The following ITGBL1 variants were observed in gnomAD, a reference collection of about 807,000 sequenced individuals.
ITGBL1 encodes the protein integrin subunit beta like 1.
In ITGBL1, 51 loss-of-function variants were observed where a neutral mutation model predicts 68.5. The observed-to-expected ratio is 0.74, with a 90% CI of 0.59 to 0.94. ITGBL1 has a LOEUF of 0.94. ITGBL1 is among the 40% of genes least tolerant of loss of function. The pLI, the probability that ITGBL1 is intolerant of heterozygous loss-of-function variation, is 0.00. For missense variants in ITGBL1, 649 were observed against 647.4 expected (o/e 1.00, Z -0.03); for synonymous variants, 209 against 227.3 (o/e 0.92, Z 0.72).
At chr13:101,646,595 C>A (rs1204742515) in intron 7 of ITGBL1, among the ~76,000 whole-genome samples, 1 of 151,948 alleles carries the variant, frequency 6.6e-6, no homozygotes, top group Non-Finnish European at 1.5e-5. Context: ...ACCCCTTTCC[C>A]AAGTAGTTTT....
chr13:101,598,052 A>G, intron 6 of ITGBL1, 101 bp from the exon 7 acceptor site: 1 of 1,109,346 alleles, frequency 9.0e-7, no homozygotes, highest in East Asian at 2.5e-5. Flanking sequence ...ATGTTCATCA[A>G]GATCCTGACT....
intron 7 of ITGBL1, among the ~76,000 whole-genome samples, chr13:101,686,937 A>G (rs2033767939): frequency 6.6e-6 from 1 of 152,154 alleles, no homozygotes; most frequent in African/African-American, 2.4e-5. Flanking sequence ...TATATAGAAA[A>G]TTGGGCTTAA....
intron 7 of ITGBL1, among the ~76,000 whole-genome samples, chr13:101,659,111 G>A (rs986652263): frequency 1.4e-5 from 2 of 146,472 alleles, no homozygotes; most frequent in South Asian, 4.4e-4. Context: ...GAGTGCAGTG[G>A]GGCGATCTCA....
chr13:101,556,854 T>G (rs953499712), intron 2 of ITGBL1, among the ~76,000 whole-genome samples: 1 of 152,148 alleles, frequency 6.6e-6, no homozygotes, highest in Non-Finnish European at 1.5e-5. Flanking sequence ...GGACTTCGAG[T>G]CTCCAGAAAT....
At position 101,663,993 on chromosome 13, in the gene ITGBL1, T is replaced by G. The variant is rs556619755; in HGVS notation, c.1016-28592T>G. Among the ~76,000 whole-genome samples, 23 of 152,302 alleles carry G rather than the reference T, an allele frequency of 1.5e-4. No individual in the cohort carries two copies. The East Asian group carries it at 4.4e-3, about 29-fold the overall frequency. On this transcript the variant is annotated intron_variant, in intron 7 of 10. Transcript: ENST00000376180. Reference sequence around the variant, plus strand: ...TATTGTCATAATAATCTCAAAATGCTTTTGAGGAGGTCAGCAGATATAAAG... The same window carrying G: ...TATTGTCATAATAATCTCAAAATGCGTTTGAGGAGGTCAGCAGATATAAAG...
At chr13:101,558,879 A>C (rs1362097180) in intron 2 of ITGBL1, among the ~76,000 whole-genome samples, 1 of 149,872 alleles carries the variant, frequency 6.7e-6, no homozygotes, top group Non-Finnish European at 1.5e-5. Flanking sequence ...TGAATCCCAA[A>C]CTAGTGCTTG....
chr13:101,712,432 A>T (rs1488867401), intron 9 of ITGBL1: 1 of 152,228 alleles, frequency 6.6e-6, no homozygotes, highest in East Asian at 1.9e-4. Context: ...CATGAAGCTA[A>T]GCATTCCAGA....
chr13:101,620,299 A>G (rs2031533575), intron 7 of ITGBL1, among the ~76,000 whole-genome samples: 2 of 152,182 alleles, frequency 1.3e-5, no homozygotes, highest in African/African-American at 4.8e-5. Context: ...TAAGGTGAAT[A>G]CTAACTTAGG....
At position 101,486,392 on chromosome 13, in the gene ITGBL1, T is replaced by C. The variant is rs138567540; in HGVS notation, c.316+32292T>C. Among the ~76,000 whole-genome samples, 869 of 152,252 alleles carry C rather than the reference T, an allele frequency of 5.7e-3. 9 individuals carry two copies. Among genetic ancestry groups the C allele is most frequent in the African/African-American group, 0.02 (832 of 41,544 alleles). On this transcript the variant is annotated intron_variant, in intron 2 of 10. Transcript: ENST00000376180. ...AAAAGACTACCCATTGGGTACAGTG[T>C]ACACTGCTCAGGTGATGAGTGCACC...
intron 10 of ITGBL1, chr13:101,714,956 ACT>A: frequency 5.1e-6 from 1 of 196,788 alleles, no homozygotes; most frequent in East Asian, 1.4e-4. Flanking sequence ...CTTTTAGGGA[ACT>A]GGATGTGTGT....
intron 2 of ITGBL1, among the ~76,000 whole-genome samples, chr13:101,506,339 T>C (rs370951024): frequency 8.1e-6 from 1 of 122,900 alleles, no homozygotes; most frequent in Admixed American, 7.7e-5. Context: ...AAAACTAACA[T>C]GTGTCAAAGA....
chr13:101,500,198 GA>G (rs781724203), intron 2 of ITGBL1, among the ~76,000 whole-genome samples: 27 of 150,822 alleles, frequency 1.8e-4, no homozygotes, highest in East Asian at 3.9e-4. Context: ...CAACAAGCCA[GA>G]AAAAAAAAGT....
At chr13:101,528,794 A>G (rs1209382454) in intron 2 of ITGBL1, among the ~76,000 whole-genome samples, 2 of 151,994 alleles carry the variant, frequency 1.3e-5, no homozygotes, top group Non-Finnish European at 2.9e-5. Context: ...GGATCAAGTA[A>G]TTTTCTATAA....
intron 7 of ITGBL1, among the ~76,000 whole-genome samples, chr13:101,620,808 T>C (rs946640397): frequency 1.3e-5 from 2 of 152,142 alleles, no homozygotes; most frequent in South Asian, 2.1e-4. Flanking sequence ...ATGGTCCTTC[T>C]CAGTGCCAGA....
chr13:101,552,580 C>G (rs1020438982), intron 2 of ITGBL1, among the ~76,000 whole-genome samples: 4 of 152,144 alleles, frequency 2.6e-5, no homozygotes, highest in African/African-American at 9.7e-5. Flanking sequence ...TGTTTTAAGT[C>G]AGATCAAGCA....
intron 8 of ITGBL1, among the ~76,000 whole-genome samples, chr13:101,703,987 ACT>A (rs2034194705): frequency 6.6e-6 from 1 of 151,948 alleles, no homozygotes; most frequent in African/African-American, 2.4e-5. Flanking sequence ...GTGCAGGACT[ACT>A]CTCTCTGGGG....
At chr13:101,658,123 G>A (rs2032982602) in intron 7 of ITGBL1, among the ~76,000 whole-genome samples, 1 of 152,174 alleles carries the variant, frequency 6.6e-6, no homozygotes, top group African/African-American at 2.4e-5. Flanking sequence ...TAATTCAAAT[G>A]TGTACTTTGG....
intron 2 of ITGBL1, among the ~76,000 whole-genome samples, chr13:101,541,375 A>T (rs951121367): frequency 2.6e-5 from 4 of 151,984 alleles, no homozygotes; most frequent in African/African-American, 9.7e-5. Context: ...TTGTGTGTTG[A>T]ACCAGCCTTG....
chr13:101,527,213 C>A (rs2049395871), intron 2 of ITGBL1, among the ~76,000 whole-genome samples: 1 of 152,068 alleles, frequency 6.6e-6, no homozygotes, highest in African/African-American at 2.4e-5. Flanking sequence ...AAAACAATAT[C>A]ATCATCTCCA....
Sources: gnomAD v4.1 joint callset for allele counts (sites outside exome capture counted in the v4.1 genomes callset) on GRCh38, gnomAD v4.1.1 for gene constraint, MANE v1.5 for transcripts, NCBI Gene and HGNC (gene_info 2026-07-23, HGNC 2026-07-21) for gene names.